The following CPO variants were observed in gnomAD, a reference collection of about 807,000 sequenced individuals.
The protein encoded by CPO is metallocarboxypeptidase C.
CPO carries 43 observed loss-of-function variants against 41.2 expected under a neutral mutation model. That is an observed-to-expected ratio of 1.04 (90% CI 0.82 to 1.35). The LOEUF is 1.35. Among genes scored for constraint, CPO ranks in the 40% most tolerant of loss-of-function variants. The pLI, the probability that CPO is intolerant of heterozygous loss-of-function variation, is 0.00. For synonymous variants in CPO, 178 were observed against 162.7 expected, an observed-to-expected ratio of 1.09 and a Z score of -0.72; for missense variants, 408 against 451.7, an observed-to-expected ratio of 0.90 and a Z score of 0.88.
At position 206,960,928 on chromosome 2, in the gene CPO, A is replaced by G. The variant is rs140227967; in HGVS notation, c.560A>G (p.Asn187Ser). The part of the protein sequence containing the change: ...CFGTDLNRNF[N>S]ASWCSIGASR... The stretch of plus-strand genomic sequence containing the variant: ...GGGACGGATCTCAATCGAAATTTCA[A>G]TGCATCTTGGTGTAGTAAGTACATG... Residue 187 changes from asparagine (N) to serine (S), a missense_variant, in exon 6 of 9, where the codon AAT becomes AGT. Physicochemically the swap from Asn to Ser is conservative, Grantham distance 46 (BLOSUM62 1). Transcript: ENST00000272852. 1,623 of 1,608,314 alleles carry G rather than the reference A, an allele frequency of 1.0e-3. 13 individuals are homozygous for G. The African/African-American group carries it at 0.019, about 19-fold the overall frequency.
Position 206,961,566 on chromosome 2 carries a change from T to C in CPO, c.574+624T>C, listed in dbSNP as rs183473409. Reference sequence around the variant, plus strand: ...TGTAGGGATTAAATGGGATGCTACATGGGAAGTGTTGGGCACAGTACCTAG... The same window carrying C: ...TGTAGGGATTAAATGGGATGCTACACGGGAAGTGTTGGGCACAGTACCTAG... On this transcript the variant is annotated intron_variant, in intron 6 of 8. Coordinates refer to ENST00000272852, the MANE Select transcript of CPO (RefSeq NM_173077.3). Among the ~76,000 whole-genome samples, 10 of 152,306 alleles carry C rather than the reference T, an allele frequency of 6.6e-5. 1 individual carries two copies. In the East Asian group the frequency reaches 1.7e-3, roughly 26 times the overall value.
At chr2:206,951,616 A>G (rs1375820144) in intron 2 of CPO, among the ~76,000 whole-genome samples, 2 of 152,198 alleles carry the variant, frequency 1.3e-5, no homozygotes, top group Non-Finnish European at 2.9e-5. Context: ...AAGTTCTACA[A>G]TTTTGTAAAG....
At chr2:206,949,854 G>A in intron 2 of CPO, 141 bp downstream of exon 2, 1 of 484,038 alleles carries the variant, frequency 2.1e-6, no homozygotes, top group Non-Finnish European at 3.8e-6. Context: ...TGAGTTCAAG[G>A]GATTCCTGAA....
rs1693410601 is a variant in CPO, at chr2:206,958,318, T to C, written c.285T>C (p.Gly95=). The C allele has an allele frequency of 6.3e-7, 1 of 1,591,626 alleles. No homozygotes were observed. The highest frequency in any genetic ancestry group is 8.6e-7 in the Non-Finnish European group (1 of 1,167,970). ...MYYLKISQPS[G]NPKKIIWMDC... is the part of the protein sequence containing the mutation. ...TTCTCCAGATCAGCCAACCATCTGG[T>C]AATCCCAAGAAAATCATTTGGATGG... Residue 95 remains glycine (G), a synonymous_variant, in exon 4 of 9, where the codon GGT becomes GGC. Transcript: ENST00000272852.
intron 7 of CPO, among the ~76,000 whole-genome samples, chr2:206,967,116 C>A (rs1464390964): frequency 6.6e-6 from 1 of 152,044 alleles, no homozygotes; most frequent in Non-Finnish European, 1.5e-5. Flanking sequence ...TCAGGGGAAG[C>A]AGTGGGATAT....
chr2:206,945,252 G>A (rs1222722602), intron 1 of CPO, among the ~76,000 whole-genome samples: 1 of 152,134 alleles, frequency 6.6e-6, no homozygotes, highest in African/African-American at 2.4e-5. Context: ...TCATAGAAAT[G>A]TTAGCTAATT....
intron 7 of CPO, among the ~76,000 whole-genome samples, chr2:206,966,849 C>G (rs985141259): frequency 4.1e-4 from 62 of 152,328 alleles, no homozygotes; most frequent in African/African-American, 1.3e-3. Context: ...TATGATCCCC[C>G]CAACTTCCTT....
Position 206,962,575 on chromosome 2 carries a change from C to G in CPO, c.738C>G (p.Tyr246Ter). The G allele has an allele frequency of 1.9e-6, 3 of 1,614,132 alleles. No homozygotes were observed. Among genetic ancestry groups the G allele is most frequent in the African/African-American group, 1.3e-5 (1 of 75,058 alleles). ...HSYGQLILTP[Y>*]GYTKNKSSNH... ...ATGGGCAGTTAATTCTCACACCTTA[C>G]GGCTACACCAAAAATAAATCAAGTA... The change falls in exon 7 of 9, where the codon TAC (tyrosine) becomes TAG (stop). Residue 246 changes from tyrosine to a stop codon, truncating the protein, a stop_gained. Transcript: ENST00000272852. LOFTEE classifies it high-confidence loss of function.
intron 2 of CPO, 81 bp downstream of exon 2, chr2:206,949,794 T>A (rs1215747375): frequency 1.9e-5 from 16 of 861,952 alleles, no homozygotes; most frequent in Non-Finnish European, 1.2e-5. Context: ...ACTAGTAATA[T>A]CCATGCATTA....
At chr2:206,941,917 C>T (rs1374414774) in intron 1 of CPO, among the ~76,000 whole-genome samples, 1 of 152,014 alleles carries the variant, frequency 6.6e-6, no homozygotes, top group Non-Finnish European at 1.5e-5. Flanking sequence ...CAATATCAAT[C>T]AAATGGCTTG....
rs1693635601 is a variant in CPO, at chr2:206,969,102, C to T, written c.863-72C>T. The T allele has an allele frequency of 2.0e-6, 3 of 1,465,930 alleles. No homozygotes were observed. In the South Asian group the frequency reaches 3.6e-5, roughly 17 times the overall value. The allele number at this position is 1,465,930 out of a possible 1,614,324, so 90.8% of individuals were successfully genotyped here. On this transcript the variant is annotated intron_variant, in intron 8 of 8. Transcript: ENST00000272852. ...TATTTTACTAAGTGAACCTTTAGTT[C>T]CTGAAATGGCTATAGAAATCCATTC...
chr2:206,961,813 A>G (rs1693482617), intron 6 of CPO, among the ~76,000 whole-genome samples: 1 of 151,926 alleles, frequency 6.6e-6, no homozygotes, highest in South Asian at 2.1e-4. Context: ...GCATACTGGC[A>G]GGGCACGGTG....
chr2:206,950,258 A>G (rs1693226518), intron 2 of CPO, among the ~76,000 whole-genome samples: 1 of 152,200 alleles, frequency 6.6e-6, no homozygotes, highest in Non-Finnish European at 1.5e-5. Context: ...AAAACAAACA[A>G]CCCCATCAAA....
intron 1 of CPO, among the ~76,000 whole-genome samples, chr2:206,948,173 A>G (rs187160729): frequency 2.0e-5 from 3 of 152,368 alleles, no homozygotes; most frequent in African/African-American, 7.2e-5. Flanking sequence ...GGAAGCAACC[A>G]GGGTGTTCTT....
intron 2 of CPO, among the ~76,000 whole-genome samples, chr2:206,951,086 A>C (rs1272692797): frequency 7.1e-6 from 1 of 140,126 alleles, no homozygotes; most frequent in African/African-American, 2.7e-5. Flanking sequence ...TAATTAAAAA[A>C]AAAAGGGGTG....
intron 1 of CPO, among the ~76,000 whole-genome samples, chr2:206,944,379 A>G (rs1185040590): frequency 6.6e-6 from 1 of 152,030 alleles, no homozygotes; most frequent in African/African-American, 2.4e-5. Context: ...CAGCCTCAAC[A>G]TATTACTTGC....
At chr2:206,952,639 C>T (rs1693286631) in intron 2 of CPO, among the ~76,000 whole-genome samples, 1 of 152,150 alleles carries the variant, frequency 6.6e-6, no homozygotes, top group African/African-American at 2.4e-5. Flanking sequence ...AGCTGCTATT[C>T]AGGTCTACTC....
chr2:206,959,375 G>C (rs1693435759), intron 4 of CPO, among the ~76,000 whole-genome samples: 1 of 152,252 alleles, frequency 6.6e-6, no homozygotes, highest in South Asian at 2.1e-4. Context: ...AATGTGCGGA[G>C]ACAGGGATGG....
rs181267959 is a variant in CPO at position 206,940,895 on chromosome 2, G to A, written c.68+1228G>A. 3.1e-3 allele frequency among the ~76,000 whole-genome samples: 475 copies of A among 152,028 alleles called. 4 individuals are homozygous for A. Among genetic ancestry groups the A allele is most frequent in the Non-Finnish European group, 8.1e-4 (55 of 67,946 alleles). The stretch of plus-strand genomic sequence containing the variant: ...CAATTTCAGATACTTACAGAGTCCA[G>A]GATCTCTGTGATATCAAAAACCTGT... On this transcript the variant is annotated intron_variant, in intron 1 of 8. Coordinates refer to ENST00000272852, the MANE Select transcript of CPO (RefSeq NM_173077.3).
Sources: allele counts gnomAD v4.1 joint callset (sites outside exome capture counted in the v4.1 genomes callset), GRCh38; gene constraint gnomAD v4.1.1; transcripts MANE v1.5; gene names NCBI Gene and HGNC (gene_info 2026-07-23, HGNC 2026-07-21).